The following MED13 variants were observed in gnomAD, a reference collection of about 807,000 sequenced individuals.
The protein encoded by MED13 is mediator complex subunit 13, also known as mediator of RNA polymerase II transcription subunit 13.
Under a neutral mutation model 225.2 loss-of-function variants are expected in MED13, and 23 were observed. That is an observed-to-expected ratio of 0.10 (90% CI 0.07 to 0.14). MED13 has a LOEUF of 0.14. Ranked by LOEUF, MED13 falls within the 10% of genes least tolerant of loss-of-function variation. The pLI is 1.00. For synonymous variants in MED13, 942 were observed against 889.2 expected (o/e 1.06, Z -1.06); for missense variants, 2,197 against 2,594.5 (o/e 0.85, Z 3.33).
Position 62,031,639 on chromosome 17 carries a change from C to A in MED13, c.815-1G>T, listed in dbSNP as rs1401730528. The A allele has an allele frequency of 6.5e-7, 1 of 1,527,680 alleles. No individual in the cohort carries two copies. The highest frequency in any genetic ancestry group is 2.1e-5 in the Admixed American group (1 of 47,098). 94.6% of individuals were successfully genotyped at this position (1,527,680 alleles called of 1,614,324 possible). A position where few individuals can be genotyped will look rare whatever the true frequency, so the allele number is the denominator to read the frequency against. On this transcript the variant is annotated splice_acceptor_variant, in intron 5 of 29. Coordinates refer to ENST00000397786, the MANE Select transcript of MED13 (RefSeq NM_005121.3). LOFTEE classifies it high-confidence loss of function. ...GCTGGGTAGATCATTCGGACACCAG[C>A]TGAAAGGAAAAAAATGGGACAGGAA...
chr17:61,983,640 A>T (rs558225367), intron 15 of MED13, among the ~76,000 whole-genome samples: 1 of 152,312 alleles, frequency 6.6e-6, no homozygotes, highest in African/African-American at 2.4e-5. Flanking sequence ...GGAGCAATTT[A>T]AAATTGCAGC....
chr17:62,007,221 A>T (rs1400671962), intron 9 of MED13: 1 of 152,290 alleles, frequency 6.6e-6, no homozygotes, highest in Non-Finnish European at 1.5e-5. Flanking sequence ...AGCCTGGACA[A>T]GAGAGCAAGA....
At chr17:62,001,306 C>G (rs982215794) in intron 9 of MED13, among the ~76,000 whole-genome samples, 5 of 152,148 alleles carry the variant, frequency 3.3e-5, no homozygotes, top group Admixed American at 6.5e-5. Context: ...TATTCCACAG[C>G]ATCTATAACA....
Position 61,943,189 on chromosome 17 carries a change from T to A in MED13, c.*3279A>T, listed in dbSNP as rs571660880. The A allele has an allele frequency of 6.6e-6, 1 of 152,632 alleles. No homozygotes were observed. Among genetic ancestry groups the A allele is most frequent in the East Asian group, 1.9e-4 (1 of 5,184 alleles). 9.5% of individuals were successfully genotyped at this position (152,632 alleles called of 1,614,324 possible). A position where few individuals can be genotyped will look rare whatever the true frequency, so the allele number is the denominator to read the frequency against. ...TATATTAAAAACATTTTTCCTTAAT[T>A]CAGACAAACTAAAATCTTAAGAGGA... On this transcript the variant is annotated 3_prime_UTR_variant, in exon 30 of 30. Transcript: ENST00000397786.
chr17:62,056,051 G>A (rs546756224), intron 2 of MED13, among the ~76,000 whole-genome samples: 1 of 152,174 alleles, frequency 6.6e-6, no homozygotes, highest in South Asian at 2.1e-4. Context: ...CATCTATATG[G>A]CAAGCAACTA....
chr17:62,007,031 GGA>G lies in MED13; in HGVS notation c.1967+3517_1967+3518del, dbSNP rs766330857. The G allele has an allele frequency of 6.6e-3, 1,005 of 152,402 alleles. 3 individuals are homozygous for G. The highest frequency in any genetic ancestry group is 0.013 in the Middle Eastern group (4 of 306). 9.4% of individuals were successfully genotyped at this position (152,402 alleles called of 1,614,324 possible). The stretch of plus-strand genomic sequence containing the variant: ...TCAAGGCAGGCAGATCACGAGGTCA[GGA>G]GATCAAGACCATCCTGGCTAACAAG... On this transcript the variant is annotated intron_variant, in intron 9 of 29. Coordinates refer to ENST00000397786, the MANE Select transcript of MED13 (RefSeq NM_005121.3).
intron 2 of MED13, among the ~76,000 whole-genome samples, chr17:62,060,385 G>C (rs1333595709): frequency 6.6e-6 from 1 of 152,084 alleles, no homozygotes; most frequent in African/African-American, 2.4e-5. Flanking sequence ...CAGTTTGGGA[G>C]GCCAAGGCTG....
chr17:62,047,760 AAGAG>A (rs375543531), intron 3 of MED13, among the ~76,000 whole-genome samples: 91 of 149,860 alleles, frequency 6.1e-4, no homozygotes, highest in African/African-American at 1.6e-3. Flanking sequence ...ATCATTAAAA[AAGAG>A]AGAGAGAGAG....
At chr17:61,979,864 G>A (rs1456309334) in intron 16 of MED13, among the ~76,000 whole-genome samples, 3 of 152,126 alleles carry the variant, frequency 2.0e-5, no homozygotes, top group Admixed American at 6.6e-5. Context: ...TTAATGTATC[G>A]AAGTATTTGA....
At chr17:61,949,363 A>G (rs561757137) in intron 28 of MED13, among the ~76,000 whole-genome samples, 1 of 151,896 alleles carries the variant, frequency 6.6e-6, no homozygotes, top group African/African-American at 2.4e-5. Context: ...TCATGTTATT[A>G]GGACTATAGG....
At chr17:62,059,345 T>C (rs1182930196) in intron 2 of MED13, among the ~76,000 whole-genome samples, 2 of 152,152 alleles carry the variant, frequency 1.3e-5, no homozygotes, top group African/African-American at 2.4e-5. Flanking sequence ...TTCTAATCTT[T>C]GAAAAAAGAA....
At chr17:61,996,217 G>GT (rs948006256) in intron 9 of MED13, among the ~76,000 whole-genome samples, 1 of 152,182 alleles carries the variant, frequency 6.6e-6, no homozygotes, top group African/African-American at 2.4e-5. Context: ...AGCATCAGGA[G>GT]TTTTTTCTCT....
chr17:62,000,531 G>C (rs2080385695), intron 9 of MED13, among the ~76,000 whole-genome samples: 1 of 152,092 alleles, frequency 6.6e-6, no homozygotes, highest in Non-Finnish European at 1.5e-5. Context: ...TCTCCTTCAA[G>C]ATAACAAGTA....
intron 3 of MED13, among the ~76,000 whole-genome samples, chr17:62,051,665 A>C (rs2143756638): frequency 6.6e-6 from 1 of 152,344 alleles, no homozygotes; most frequent in African/African-American, 2.4e-5. Flanking sequence ...CCAGGTGCAC[A>C]TGAAAAAAGA....
rs200105012 is a variant in MED13, at chr17:62,050,499, C to CA, written c.470+2037dup. Among the ~76,000 whole-genome samples, 429 of 131,402 alleles carry CA rather than the reference C, an allele frequency of 3.3e-3. 1 individual carries two copies. Among genetic ancestry groups the CA allele is most frequent in the African/African-American group, 7.5e-3 (267 of 35,814 alleles). The allele number at this position is 131,402 out of a possible 152,430, so 86.2% of individuals were successfully genotyped here. A position where few individuals can be genotyped will look rare whatever the true frequency, so the allele number is the denominator to read the frequency against. ...AATTTCAATGGTAGGCTGTTGTGACCAAAAAAAAAAAAAGTCCACTAGATT... is the reference window on the plus strand; with the variant it reads ...AATTTCAATGGTAGGCTGTTGTGACCAAAAAAAAAAAAAAGTCCACTAGATT... On this transcript the variant is annotated intron_variant, in intron 3 of 29. Transcript: ENST00000397786.
chr17:62,015,950 A>ATT (rs1567979985), intron 8 of MED13, among the ~76,000 whole-genome samples: 1,173 of 13,768 alleles, frequency 0.085, 76 homozygotes, highest in Non-Finnish European at 0.12. Context: ...ATATATATAT[A>ATT]TATATTTTTT....
intron 8 of MED13, among the ~76,000 whole-genome samples, chr17:62,012,661 G>C (rs1022775023): frequency 6.6e-6 from 1 of 151,800 alleles, no homozygotes; most frequent in African/African-American, 2.4e-5. Context: ...AAGATATGGA[G>C]TTTACACATT....
At chr17:61,965,589 A>T in intron 19 of MED13, 121 bp from the exon 20 acceptor site, 1 of 992,120 alleles carries the variant, frequency 1.0e-6, no homozygotes. Flanking sequence ...ATAGCCCCGA[A>T]ATTGCTTGCT....
At position 61,995,167 on chromosome 17, in the gene MED13, A is replaced by G; in HGVS notation, c.2166T>C (p.Ala722=). 1 of 1,612,158 alleles carries G rather than the reference A, an allele frequency of 6.2e-7. No homozygotes were observed. Among genetic ancestry groups the G allele is most frequent in the South Asian group, 1.1e-5 (1 of 90,830 alleles). Residue 722 remains alanine (A), a synonymous_variant, in exon 10 of 30, where the codon GCT becomes GCC. Coordinates refer to ENST00000397786, the MANE Select transcript of MED13 (RefSeq NM_005121.3). The part of the protein sequence containing the change: ...KKDRQNSERE[A]GKKHKVEDGT... The stretch of plus-strand genomic sequence containing the variant: ...TTTCTCTTACCTTGTGTTTTTTTCC[A>G]GCTTCTCTCTCACTATTTTGTCTAT...
Sources: gnomAD v4.1 joint callset for allele counts (sites outside exome capture counted in the v4.1 genomes callset) on GRCh38, gnomAD v4.1.1 for gene constraint, MANE v1.5 for transcripts, NCBI Gene and HGNC (gene_info 2026-07-23, HGNC 2026-07-21) for gene names.